GPR89A: variants seen among roughly 807,000 people sequenced by gnomAD.
The protein encoded by GPR89A is G protein-coupled receptor 89A.
A neutral mutation model predicts 52.0 loss-of-function variants in GPR89A; 16 were observed. That is an observed-to-expected ratio of 0.31 (90% CI 0.21 to 0.47). The LOEUF is 0.47. GPR89A is among the 20% of genes least tolerant of loss of function. The pLI, the probability that GPR89A is intolerant of heterozygous loss-of-function variation, is 1.00. For missense variants in GPR89A, 135 were observed against 449.4 expected, an observed-to-expected ratio of 0.30 and a Z score of 6.33; for synonymous variants, 55 against 150.9, an observed-to-expected ratio of 0.36 and a Z score of 4.66.
At position 145,665,636 on chromosome 1, in the gene GPR89A, G is replaced by C; in HGVS notation, c.1080G>C (p.Leu360=). 1 of 1,397,752 alleles carries C rather than the reference G, an allele frequency of 7.2e-7. No individual in the cohort carries two copies. The highest frequency in any genetic ancestry group is 2.3e-5 in the East Asian group (1 of 43,692). 86.6% of individuals were successfully genotyped at this position (1,397,752 alleles called of 1,614,324 possible). The change falls in exon 12 of 14, where the codon CTG becomes CTC. Residue 360 remains leucine (L), a synonymous_variant. Coordinates refer to ENST00000313835, the MANE Select transcript of GPR89A (RefSeq NM_001097612.2). ...TCGTCACATCCATCAGAGGATTGCT[G>C]ATCACTCTTACCAAGGTATGTTTTA... ...IIIVTSIRGL[L]ITLTKFFYAI... is the part of the protein sequence containing the mutation.
At chr1:145,669,494 A>C (rs1652817536) in intron 12 of GPR89A, 131 bp from the exon 13 acceptor site, 1 of 699,890 alleles carries the variant, frequency 1.4e-6, no homozygotes, top group Non-Finnish European at 2.6e-6. Context: ...AGTCTTAATC[A>C]TATGAATTGT....
At chr1:145,625,914 G>A (rs1316119892) in intron 5 of GPR89A, among the ~76,000 whole-genome samples, 5 of 150,656 alleles carry the variant, frequency 3.3e-5, no homozygotes, top group Admixed American at 3.3e-4. Context: ...TGTATCCCCA[G>A]TGCCTAGTGT....
intron 7 of GPR89A, among the ~76,000 whole-genome samples, chr1:145,639,882 G>A (rs1428330504): frequency 6.6e-6 from 1 of 152,054 alleles, no homozygotes; most frequent in East Asian, 1.9e-4. Context: ...GGCGTCCATA[G>A]GTTTAAAAAA....
At chr1:145,639,516 G>A (rs1474220266) in intron 7 of GPR89A, among the ~76,000 whole-genome samples, 3 of 151,708 alleles carry the variant, frequency 2.0e-5, no homozygotes, top group African/African-American at 7.3e-5. Flanking sequence ...GGAGGCTGAG[G>A]CAGGTAGATC....
chr1:145,614,646 T>C (rs1231860878), intron 1 of GPR89A, among the ~76,000 whole-genome samples: 1 of 151,754 alleles, frequency 6.6e-6, no homozygotes, highest in Non-Finnish European at 1.5e-5. Flanking sequence ...TATAATCTAA[T>C]GTCAAAAAAT....
intron 1 of GPR89A, among the ~76,000 whole-genome samples, chr1:145,614,167 C>T (rs1648499728): frequency 6.6e-6 from 1 of 152,104 alleles, no homozygotes; most frequent in African/African-American, 2.4e-5. Context: ...CTTGAAACCA[C>T]TCTAGAAAAA....
intron 3 of GPR89A, among the ~76,000 whole-genome samples, chr1:145,620,110 A>G (rs1167823252): frequency 6.6e-6 from 1 of 152,174 alleles, no homozygotes; most frequent in Non-Finnish European, 1.5e-5. Flanking sequence ...ATTATTTTAC[A>G]TAATGGTTAT....
At chr1:145,643,350 G>A (rs1158285927) in intron 7 of GPR89A, among the ~76,000 whole-genome samples, 55 of 151,272 alleles carry the variant, frequency 3.6e-4, no homozygotes, top group Admixed American at 7.9e-4. Context: ...ATTTTTAGTA[G>A]AGATGGGGTT....
intron 7 of GPR89A, among the ~76,000 whole-genome samples, chr1:145,632,121 T>C (rs1553689946): frequency 6.6e-6 from 1 of 151,004 alleles, no homozygotes; most frequent in Non-Finnish European, 1.5e-5. Context: ...TTAGAATTTT[T>C]TTGTTTAATT....
chr1:145,666,429 T>C (rs1277686407), intron 12 of GPR89A, among the ~76,000 whole-genome samples: 8 of 152,196 alleles, frequency 5.3e-5, no homozygotes, highest in Admixed American at 5.2e-4. Context: ...AAAAAATGTT[T>C]CGTTCAACAT....
Position 145,669,620 on chromosome 1 carries a change from G to C in GPR89A, c.1096-5G>C. 3 of 1,610,920 alleles carry C rather than the reference G, an allele frequency of 1.9e-6. No individual in the cohort carries two copies. The highest frequency in any genetic ancestry group is 2.5e-6 in the Non-Finnish European group (3 of 1,179,522). ...GCATAAATTCATCTCCCTCTTTCTT[G>C]ACAGTTCTTTTATGCCATCTCTAGC... On this transcript the variant is annotated splice_polypyrimidine_tract_variant and splice_region_variant and intron_variant, in intron 12 of 13. Coordinates refer to ENST00000313835, the MANE Select transcript of GPR89A (RefSeq NM_001097612.2).
chr1:145,621,986 T>C (rs1480252845), intron 3 of GPR89A, among the ~76,000 whole-genome samples: 2 of 148,030 alleles, frequency 1.4e-5, no homozygotes, highest in African/African-American at 5.0e-5. Context: ...GAGGAAAATG[T>C]AAAATGATGC....
chr1:145,635,423 A>T (rs1290867950), intron 7 of GPR89A, among the ~76,000 whole-genome samples: 5 of 150,560 alleles, frequency 3.3e-5, no homozygotes, highest in Non-Finnish European at 7.4e-5. Flanking sequence ...AAAAAAAAAG[A>T]ATGATGAAGG....
Position 145,645,547 on chromosome 1 carries a change from A to G in GPR89A, c.728-637A>G, listed in dbSNP as rs1246099170. The G allele has an allele frequency of 3.3e-5, 15 of 453,686 alleles. 2 individuals carry two copies. The highest frequency in any genetic ancestry group is 2.8e-4 in the Admixed American group (12 of 42,474). 28.1% of individuals were successfully genotyped at this position (453,686 alleles called of 1,614,324 possible). A position where few individuals can be genotyped will look rare whatever the true frequency, so the allele number is the denominator to read the frequency against. On this transcript the variant is annotated intron_variant, in intron 8 of 13. Transcript: ENST00000313835. ...TGATTGAGTTCTTGGAAAATAACATAGTGTAATGGAAAGAGCAGGCTTTGG... is the reference window on the plus strand; with the variant it reads ...TGATTGAGTTCTTGGAAAATAACATGGTGTAATGGAAAGAGCAGGCTTTGG...
At chr1:145,629,291 A>G (rs1235384461) in intron 5 of GPR89A, among the ~76,000 whole-genome samples, 9 of 152,196 alleles carry the variant, frequency 5.9e-5, no homozygotes, top group Non-Finnish European at 1.3e-4. Flanking sequence ...ATGTATATTC[A>G]ATGTTATAAA....
intron 1 of GPR89A, among the ~76,000 whole-genome samples, chr1:145,612,943 A>G (rs587732142): frequency 1.3e-5 from 2 of 151,900 alleles, no homozygotes; most frequent in African/African-American, 2.4e-5. Flanking sequence ...TCCTGCCTCT[A>G]CCTCACTATT....
At chr1:145,640,676 C>A (rs1650595560) in intron 7 of GPR89A, among the ~76,000 whole-genome samples, 1 of 2,938 alleles carries the variant, frequency 3.4e-4, no homozygotes, top group Admixed American at 4.4e-3. Context: ...GCCTGGGTGA[C>A]AGAGCAAGAC....
chr1:145,647,225 T>C lies in GPR89A; in HGVS notation c.867T>C (p.Leu289=), dbSNP rs1651057242. The C allele has an allele frequency of 6.4e-7, 1 of 1,571,498 alleles. No homozygotes were observed. The highest frequency in any genetic ancestry group is 8.6e-7 in the Non-Finnish European group (1 of 1,156,800). The change falls in exon 10 of 14, where the codon CTT becomes CTC. Residue 289 remains leucine, a synonymous_variant. Coordinates refer to ENST00000313835, the MANE Select transcript of GPR89A (RefSeq NM_001097612.2). ...KTFKGKYFNF[L]GYFFSIYCVW... is the part of the protein sequence containing the mutation. ...TCAAGGGGAAATATTTTAATTTTCT[T>C]GGTTACTTTTTCTCTATTTACTGTG...
At chr1:145,663,698 TG>T (rs1176778845) in intron 11 of GPR89A, among the ~76,000 whole-genome samples, 1 of 152,230 alleles carries the variant, frequency 6.6e-6, no homozygotes, top group East Asian at 1.9e-4. Flanking sequence ...TTTCTACAGC[TG>T]CTCCTCTGCT....
Sources: allele counts gnomAD v4.1 joint callset (sites outside exome capture counted in the v4.1 genomes callset), GRCh38; gene constraint gnomAD v4.1.1; transcripts MANE v1.5; gene names NCBI Gene and HGNC (gene_info 2026-07-23, HGNC 2026-07-21).